Variants in GRPEL1 observed in about 807,000 individuals in gnomAD.
GRPEL1 encodes grpE protein homolog 1, mitochondrial.
A neutral mutation model predicts 22.1 loss-of-function variants in GRPEL1; 13 were observed. The ratio of observed to expected loss-of-function variants is 0.59; its 90% CI spans 0.38 to 0.94. The LOEUF is 0.94. Among genes scored for constraint, GRPEL1 ranks in the 40% least tolerant of loss-of-function variants. The pLI, the probability that GRPEL1 is intolerant of heterozygous loss-of-function variation, is 0.00. For missense variants in GRPEL1, 289 were observed against 264.6 expected, an observed-to-expected ratio of 1.09 and a Z score of -0.64; for synonymous variants, 109 against 105.3, an observed-to-expected ratio of 1.03 and a Z score of -0.21.
At chr4:7,066,857 G>A (rs992025564) in intron 1 of GRPEL1, among the ~76,000 whole-genome samples, 14 of 152,204 alleles carry the variant, frequency 9.2e-5, no homozygotes, top group Non-Finnish European at 1.2e-4. Context: ...TTCCCTAGTT[G>A]AGCATCTTTC....
At chr4:7,062,289 C>G in intron 3 of GRPEL1, 96 bp downstream of exon 3, 1 of 496,128 alleles carries the variant, frequency 2.0e-6, no homozygotes, top group Non-Finnish European at 3.8e-6. Flanking sequence ...CCCCACCCCA[C>G]AGCCTTGCTC....
intron 2 of GRPEL1, 128 bp downstream of exon 2, chr4:7,063,933 C>G: frequency 9.3e-7 from 1 of 1,072,398 alleles, no homozygotes. Context: ...CCTGGGCCCA[C>G]TGCAGGCCAT....
intron 1 of GRPEL1, among the ~76,000 whole-genome samples, chr4:7,066,407 TACAGAGAAATAC>T (rs1724169723): frequency 6.6e-6 from 1 of 152,232 alleles, no homozygotes; most frequent in South Asian, 2.1e-4. Flanking sequence ...AAATGCAACT[TACAGAGAAATAC>T]ACAAAACAGG....
At chr4:7,067,865 G>A (rs1328387453) in intron 1 of GRPEL1, 106 bp downstream of exon 1, 7 of 1,219,210 alleles carry the variant, frequency 5.7e-6, no homozygotes, top group East Asian at 5.1e-5. Context: ...GAGATGCCCA[G>A]CTCCGGGGCC....
chr4:7,059,630 A>G lies in GRPEL1; in HGVS notation c.*1232T>C, dbSNP rs540267253. The G allele has an allele frequency of 6.6e-6, 1 of 152,384 alleles. No individual in the cohort carries two copies. The highest frequency in any genetic ancestry group is 2.4e-5 in the African/African-American group (1 of 41,596). 9.4% of individuals were successfully genotyped at this position (152,384 alleles called of 1,614,324 possible). ...TGCGTCTTTTAAAATTAGAAGTGAA[A>G]TAAACTGCCCCATCTTTCCTGTGCA... is the stretch of plus-strand genomic sequence containing the variant. On this transcript the variant is annotated 3_prime_UTR_variant, in exon 4 of 4. Coordinates refer to ENST00000264954, the MANE Select transcript of GRPEL1 (RefSeq NM_025196.4).
In GRPEL1 at chr4:7,068,059, G is replaced by A. The variant is rs1407129086; in HGVS notation, c.-27C>T. On this transcript the variant is annotated 5_prime_UTR_variant, in exon 1 of 4. Coordinates refer to ENST00000264954, the MANE Select transcript of GRPEL1 (RefSeq NM_025196.4). ...ACTGCCACTGCCCGTCGCAGTCGCC[G>A]CGCACGCACCAAGCGTGCGTGCAGG... 3 of 1,610,742 alleles carry A rather than the reference G, an allele frequency of 1.9e-6. No homozygotes were observed. Among genetic ancestry groups the A allele is most frequent in the Non-Finnish European group, 1.7e-6 (2 of 1,178,640 alleles).
rs115275588 is a variant in GRPEL1, at chr4:7,060,686, C to T, written c.*176G>A. The T allele has an allele frequency of 7.1e-3, 4,582 of 645,310 alleles. 47 individuals are homozygous for T. The highest frequency in any genetic ancestry group is 9.5e-3 in the Non-Finnish European group (3,481 of 367,058). 40.0% of individuals were successfully genotyped at this position (645,310 alleles called of 1,614,324 possible). A position where few individuals can be genotyped will look rare whatever the true frequency, so the allele number is the denominator to read the frequency against. On this transcript the variant is annotated 3_prime_UTR_variant, in exon 4 of 4. Coordinates refer to ENST00000264954, the MANE Select transcript of GRPEL1 (RefSeq NM_025196.4). ...GTGGCACTAAAAGGGAACAGACTCC[C>T]GAATTAGAGTTCATTAATGCAGTTG...
Position 7,060,888 on chromosome 4 carries a change from G to A in GRPEL1, c.628C>T (p.Leu210=), listed in dbSNP as rs142202412. 9.3e-6 allele frequency: 15 copies of A among 1,613,520 alleles called. No individual in the cohort carries two copies. The highest frequency in any genetic ancestry group is 6.7e-5 in the African/African-American group (5 of 74,892). Residue 210 remains leucine, a synonymous_variant, in exon 4 of 4, where the codon CTG becomes TTG. Coordinates refer to ENST00000264954, the MANE Select transcript of GRPEL1 (RefSeq NM_025196.4). The stretch of plus-strand genomic sequence containing the variant: ...TAAGCTTCCTTCACCACCCCCACCA[G>A]GGCGGGTCTCAGAGTGCGCCCATGC... ...KLHGRTLRPA[L]VGVVKEA
At chr4:7,065,082 C>T (rs1289290877) in intron 1 of GRPEL1, among the ~76,000 whole-genome samples, 1 of 152,158 alleles carries the variant, frequency 6.6e-6, no homozygotes, top group Non-Finnish European at 1.5e-5. Context: ...GACAGTCTGC[C>T]CAGACCTAAC....
At position 7,067,996 on chromosome 4, in the gene GRPEL1, G is replaced by A. The variant is rs1380384209; in HGVS notation, c.37C>T (p.Leu13Phe). ...AQCVRLARRS[L>F]PALALSLRPS... ...CTGAGAGACAACGCCAAAGCAGGAA[G>A]ACTGCGCCGCGCCAACCTCACGCAC... The change falls in exon 1 of 4, where the codon CTT becomes TTT. Residue 13 changes from leucine (L) to phenylalanine (F), a missense_variant. Coordinates refer to ENST00000264954, the MANE Select transcript of GRPEL1 (RefSeq NM_025196.4). 3 of 1,613,434 alleles carry A rather than the reference G, an allele frequency of 1.9e-6. No individual in the cohort carries two copies. The highest frequency in any genetic ancestry group is 1.7e-5 in the Admixed American group (1 of 60,002).
rs189680001 is a variant in GRPEL1, at chr4:7,064,241, C to A, written c.63-18G>T. 17 of 1,594,404 alleles carry A rather than the reference C, an allele frequency of 1.1e-5. No homozygotes were observed. The African/African-American group carries it at 1.3e-4, about 13-fold the overall frequency. ...GAGATGGCCTACAGGGAAGTCCACA[C>A]GTGAGAAACGAAGACTTAGTTTTTG... On this transcript the variant is annotated intron_variant, in intron 1 of 3. Coordinates refer to ENST00000264954, the MANE Select transcript of GRPEL1 (RefSeq NM_025196.4).
chr4:7,060,090 TA>T lies in GRPEL1; in HGVS notation c.*771del, dbSNP rs1172847690. The T allele has an allele frequency of 6.6e-6, 1 of 152,222 alleles. No individual in the cohort carries two copies. The highest frequency in any genetic ancestry group is 2.4e-5 in the African/African-American group (1 of 41,452). The allele number at this position is 152,222 out of a possible 1,614,324, so 9.4% of individuals were successfully genotyped here. ...ACATTAGGGCTTTAATCCTCTTAAATAAAAATTTTAAATTAAACATTAACAT... is the reference window on the plus strand; with the variant it reads ...ACATTAGGGCTTTAATCCTCTTAAATAAAATTTTAAATTAAACATTAACAT... On this transcript the variant is annotated 3_prime_UTR_variant, in exon 4 of 4. Coordinates refer to ENST00000264954, the MANE Select transcript of GRPEL1 (RefSeq NM_025196.4).
chr4:7,064,330 C>A (rs887282368), intron 1 of GRPEL1, 107 bp from the exon 2 acceptor site: 1 of 1,091,576 alleles, frequency 9.2e-7, no homozygotes, highest in Non-Finnish European at 1.3e-6. Context: ...TTTACTATTA[C>A]TTGGGGAGAA....
Position 7,058,925 on chromosome 4 carries a change from A to G in GRPEL1, c.*1937T>C, listed in dbSNP as rs1338617577. The stretch of plus-strand genomic sequence containing the variant: ...ACACAGTTTGCACTGTACCTTTACT[A>G]TGTTATGTTCAGATACACAGATACC... On this transcript the variant is annotated 3_prime_UTR_variant, in exon 4 of 4. Transcript: ENST00000264954. 1 of 152,204 alleles carries G rather than the reference A, an allele frequency of 6.6e-6. No homozygotes were observed. Among genetic ancestry groups the G allele is most frequent in the Non-Finnish European group, 1.5e-5 (1 of 68,028 alleles). 9.4% of individuals were successfully genotyped at this position (152,204 alleles called of 1,614,324 possible).
At position 7,064,345 on chromosome 4, in the gene GRPEL1, T is replaced by C. The variant is rs1577222110; in HGVS notation, c.63-122A>G. On this transcript the variant is annotated intron_variant, in intron 1 of 3. Coordinates refer to ENST00000264954, the MANE Select transcript of GRPEL1 (RefSeq NM_025196.4). ...TTTACTATTACTTGGGGAGAAAACA[T>C]TTCTGTTAGATCTAATAAAGGCACA... The C allele has an allele frequency of 1.3e-5, 13 of 966,022 alleles. No individual in the cohort carries two copies. In the East Asian group the frequency reaches 3.5e-4, roughly 26 times the overall value. The allele number at this position is 966,022 out of a possible 1,614,324, so 59.8% of individuals were successfully genotyped here.
intron 2 of GRPEL1, among the ~76,000 whole-genome samples, chr4:7,063,036 T>C (rs944686240): frequency 1.3e-4 from 20 of 152,192 alleles, no homozygotes; most frequent in African/African-American, 4.8e-4. Flanking sequence ...GTAATCATCA[T>C]CTGAGTTCTA....
Position 7,062,367 on chromosome 4 carries a change from A to G in GRPEL1, c.307+18T>C. On this transcript the variant is annotated intron_variant, in intron 3 of 3. Transcript: ENST00000264954. ...TTATCTTCTTTCCGGAATCAACACC[A>G]TGTTATGTTGAAAGTACCGTATAAT... 1 of 1,348,788 alleles carries G rather than the reference A, an allele frequency of 7.4e-7. No homozygotes were observed. The highest frequency in any genetic ancestry group is 1.0e-6 in the Non-Finnish European group (1 of 952,628). 83.6% of individuals were successfully genotyped at this position (1,348,788 alleles called of 1,614,324 possible).
At position 7,061,056 on chromosome 4, in the gene GRPEL1, C is replaced by T; in HGVS notation, c.460G>A (p.Val154Met). 2 of 1,614,216 alleles carry T rather than the reference C, an allele frequency of 1.2e-6. No homozygotes were observed. Among genetic ancestry groups the T allele is most frequent in the Non-Finnish European group, 1.7e-6 (2 of 1,180,042 alleles). Residue 154 changes from valine (V) to methionine (M), a missense_variant, in exon 4 of 4, where the codon GTG becomes ATG. By Grantham distance (21) the Val-to-Met change is conservative (BLOSUM62 1). Coordinates refer to ENST00000264954, the MANE Select transcript of GRPEL1 (RefSeq NM_025196.4). ...TTGAGCAAGCCATGCTTTGTGAACA[C>T]CTTCTGGATCTGGACTTCAGTCATG... ...LVMTEVQIQK[V>M]FTKHGLLKLN... is the part of the protein sequence containing the mutation.
chr4:7,068,058 C>T lies in GRPEL1; in HGVS notation c.-26G>A, dbSNP rs746492180. The stretch of plus-strand genomic sequence containing the variant: ...GACTGCCACTGCCCGTCGCAGTCGC[C>T]GCGCACGCACCAAGCGTGCGTGCAG... On this transcript the variant is annotated 5_prime_UTR_variant, in exon 1 of 4. Coordinates refer to ENST00000264954, the MANE Select transcript of GRPEL1 (RefSeq NM_025196.4). 1 of 1,610,878 alleles carries T rather than the reference C, an allele frequency of 6.2e-7. No homozygotes were observed. The highest frequency in any genetic ancestry group is 8.5e-7 in the Non-Finnish European group (1 of 1,178,718).
Sources: allele counts gnomAD v4.1 joint callset (sites outside exome capture counted in the v4.1 genomes callset), GRCh38; gene constraint gnomAD v4.1.1; transcripts MANE v1.5; gene names NCBI Gene and HGNC (gene_info 2026-07-23, HGNC 2026-07-21).